Variants in ADAMTS12 observed in about 807,000 individuals in gnomAD.
ADAMTS12 encodes the protein ADAM metallopeptidase with thrombospondin type 1 motif 12, also known as A disintegrin and metalloproteinase with thrombospondin motifs 12.
ADAMTS12 carries 118 observed loss-of-function variants against 167.8 expected under a neutral mutation model. The observed-to-expected ratio is 0.70, with a 90% CI of 0.61 to 0.82. ADAMTS12 has a LOEUF of 0.82. Ranked by LOEUF, ADAMTS12 falls within the 40% of genes least tolerant of loss-of-function variation. The pLI is 0.00. For synonymous variants in ADAMTS12, 704 were observed against 716.9 expected, an observed-to-expected ratio of 0.98 and a Z score of 0.29; for missense variants, 1,916 against 1,998.8, an observed-to-expected ratio of 0.96 and a Z score of 0.79.
At chr5:33,826,580 G>A (rs1477354) in intron 2 of ADAMTS12, among the ~76,000 whole-genome samples, 93 of 25,880 alleles carry the variant, frequency 3.6e-3, no homozygotes, top group African/African-American at 7.3e-3. Flanking sequence ...GTATGTGTGT[G>A]TGTGTGTATA....
chr5:33,793,566 T>G (rs886234968), intron 2 of ADAMTS12, among the ~76,000 whole-genome samples: 1 of 152,232 alleles, frequency 6.6e-6, no homozygotes, highest in Non-Finnish European at 1.5e-5. Flanking sequence ...GAATTTAAGA[T>G]TTTTTGAAAT....
chr5:33,713,630 G>A (rs1454808207), intron 3 of ADAMTS12, among the ~76,000 whole-genome samples: 4 of 151,886 alleles, frequency 2.6e-5, no homozygotes, highest in Non-Finnish European at 5.9e-5. Flanking sequence ...CTTAAATCAG[G>A]AGATGACAAG....
At chr5:33,700,164 T>G (rs1400691780) in intron 3 of ADAMTS12, among the ~76,000 whole-genome samples, 1 of 152,222 alleles carries the variant, frequency 6.6e-6, no homozygotes, top group African/African-American at 2.4e-5. Flanking sequence ...AAACTACACA[T>G]GCAATTACCA....
chr5:33,538,034 C>A (rs1744500171), intron 22 of ADAMTS12, among the ~76,000 whole-genome samples: 1 of 152,152 alleles, frequency 6.6e-6, no homozygotes, highest in African/African-American at 2.4e-5. Flanking sequence ...GAGGTGGCAA[C>A]CAACTTTCTG....
At chr5:33,552,764 T>C (rs1745309194) in intron 20 of ADAMTS12, among the ~76,000 whole-genome samples, 1 of 152,228 alleles carries the variant, frequency 6.6e-6, no homozygotes, top group Non-Finnish European at 1.5e-5. Flanking sequence ...CTGTTTTGGT[T>C]ACTGTAGCCC....
chr5:33,687,856 G>T (rs1432985319), intron 3 of ADAMTS12, among the ~76,000 whole-genome samples: 1 of 152,180 alleles, frequency 6.6e-6, no homozygotes, highest in Non-Finnish European at 1.5e-5. Flanking sequence ...TGATGACAAA[G>T]ACAGCTAGTT....
At chr5:33,593,004 C>T (rs1423831113) in intron 17 of ADAMTS12, among the ~76,000 whole-genome samples, 2 of 152,184 alleles carry the variant, frequency 1.3e-5, no homozygotes, top group Admixed American at 6.5e-5. Flanking sequence ...TCGCCAGGCA[C>T]ATGGGCTCAT....
In ADAMTS12 at chr5:33,555,726, T is replaced by C. The variant is rs1745459865; in HGVS notation, c.4125+5301A>G. On this transcript the variant is annotated intron_variant, in intron 20 of 23. Transcript: ENST00000504830. ...TATTAGTTTTGTGATCAAGTATATA[T>C]TGGTGATTTAAATACTCTAAGCCCT... 3.3e-5 allele frequency among the ~76,000 whole-genome samples: 5 copies of C among 152,340 alleles called. No individual in the cohort carries two copies. The South Asian group carries it at 8.3e-4, about 25-fold the overall frequency.
intron 3 of ADAMTS12, among the ~76,000 whole-genome samples, chr5:33,717,819 C>T (rs1231524480): frequency 6.6e-6 from 1 of 152,140 alleles, no homozygotes; most frequent in Non-Finnish European, 1.5e-5. Flanking sequence ...TTATTTTTGT[C>T]TACACTGGAT....
At chr5:33,528,906 G>A (rs977277929) in intron 23 of ADAMTS12, among the ~76,000 whole-genome samples, 2 of 152,122 alleles carry the variant, frequency 1.3e-5, no homozygotes, top group Non-Finnish European at 2.9e-5. Context: ...GTAGCTGGGC[G>A]TGGTGGTGGG....
At chr5:33,802,020 T>G (rs968051231) in intron 2 of ADAMTS12, among the ~76,000 whole-genome samples, 1 of 152,142 alleles carries the variant, frequency 6.6e-6, no homozygotes, top group Non-Finnish European at 1.5e-5. Flanking sequence ...ATGAATGAGA[T>G]CAGTGCCTTA....
chr5:33,880,278 G>A (rs1001345639), intron 2 of ADAMTS12, among the ~76,000 whole-genome samples: 4 of 152,128 alleles, frequency 2.6e-5, no homozygotes, highest in African/African-American at 9.7e-5. Flanking sequence ...CCAGTGCCTG[G>A]CATATTCGAA....
Position 33,525,473 on chromosome 5 carries a change from C to A in ADAMTS12, c.*1715G>T, listed in dbSNP as rs892113006. 3.3e-5 allele frequency: 5 copies of A among 152,108 alleles called. No homozygotes were observed. The highest frequency in any genetic ancestry group is 7.4e-5 in the Non-Finnish European group (5 of 68,024). 9.4% of individuals were successfully genotyped at this position (152,108 alleles called of 1,614,324 possible). A position where few individuals can be genotyped will look rare whatever the true frequency, so the allele number is the denominator to read the frequency against. On this transcript the variant is annotated 3_prime_UTR_variant, in exon 24 of 24. Coordinates refer to ENST00000504830, the MANE Select transcript of ADAMTS12 (RefSeq NM_030955.4). Reference sequence around the variant, plus strand: ...AGCACATAATATTAAATCTTAAATTCAAGGTACCCAAGCAATAAAACTGGC... The same window carrying A: ...AGCACATAATATTAAATCTTAAATTAAAGGTACCCAAGCAATAAAACTGGC...
chr5:33,878,168 A>G (rs1324529131), intron 2 of ADAMTS12, among the ~76,000 whole-genome samples: 1 of 152,224 alleles, frequency 6.6e-6, no homozygotes, highest in Non-Finnish European at 1.5e-5. Flanking sequence ...CCTTTGGACT[A>G]CGACCACTCT....
chr5:33,880,971 C>T (rs1561325286), intron 2 of ADAMTS12, 148 bp downstream of exon 2: 15 of 1,186,280 alleles, frequency 1.3e-5, no homozygotes, highest in East Asian at 4.8e-5. Context: ...AATACTTTCT[C>T]GCCAACCACT....
intron 3 of ADAMTS12, among the ~76,000 whole-genome samples, chr5:33,698,478 G>A (rs574164789): frequency 1.3e-5 from 2 of 152,256 alleles, no homozygotes; most frequent in East Asian, 3.9e-4. Flanking sequence ...CTGAAAAAAT[G>A]TCAAGGGGGA....
At chr5:33,556,234 C>T (rs1173569032) in intron 20 of ADAMTS12, among the ~76,000 whole-genome samples, 1 of 152,162 alleles carries the variant, frequency 6.6e-6, no homozygotes, top group Non-Finnish European at 1.5e-5. Flanking sequence ...GTGTCACATA[C>T]AGATTAATGA....
chr5:33,626,374 A>ATGGGGGTGATGGTAGTGGTGATGGTGG (rs1379507812), intron 13 of ADAMTS12, among the ~76,000 whole-genome samples: 3 of 122,254 alleles, frequency 2.5e-5, no homozygotes, highest in East Asian at 5.3e-4. Flanking sequence ...GGTGGTGGTG[A>ATGGGGGTGATGGTAGTGGTGATGGTGG]TGGGGGTGAT....
intron 18 of ADAMTS12, among the ~76,000 whole-genome samples, chr5:33,584,751 C>G (rs938416749): frequency 9.9e-5 from 15 of 152,156 alleles, no homozygotes; most frequent in Admixed American, 6.6e-4. Context: ...ATTAGATTGC[C>G]AGGGCTGGAA....
Sources: gnomAD v4.1 joint callset for allele counts (sites outside exome capture counted in the v4.1 genomes callset) on GRCh38, gnomAD v4.1.1 for gene constraint, MANE v1.5 for transcripts, NCBI Gene and HGNC (gene_info 2026-07-23, HGNC 2026-07-21) for gene names.